Variants in KCND2 observed in about 807,000 individuals in gnomAD.
KCND2 encodes potassium voltage-gated channel subfamily D member 2.
In KCND2, 16 loss-of-function variants were observed where a neutral mutation model predicts 54.4. The ratio of observed to expected loss-of-function variants is 0.29; its 90% confidence interval spans 0.20 to 0.45. The LOEUF is 0.45. Ranked by LOEUF, KCND2 falls within the 20% of genes least tolerant of loss-of-function variation. The pLI is 1.00. For synonymous variants in KCND2, 317 were observed against 310.7 expected (o/e 1.02, Z -0.21); for missense variants, 486 against 824.2 (o/e 0.59, Z 5.02).
intron 1 of KCND2, among the ~76,000 whole-genome samples, chr7:120,387,957 A>T (rs1801014134): frequency 6.6e-6 from 1 of 152,036 alleles, no homozygotes; most frequent in African/African-American, 2.4e-5. Flanking sequence ...TTAGGGCAAA[A>T]CTCTGATACA....
chr7:120,357,493 A>G (rs1171907454), intron 1 of KCND2, among the ~76,000 whole-genome samples: 1 of 152,154 alleles, frequency 6.6e-6, no homozygotes, highest in Non-Finnish European at 1.5e-5. Context: ...GTATACCTAC[A>G]TGCAATAATC....
rs1341192417 is a variant in KCND2, at chr7:120,686,894, T to G, written c.1116-46009T>G. Among the ~76,000 whole-genome samples, 3 of 152,266 alleles carry G rather than the reference T, an allele frequency of 2.0e-5. No individual in the cohort carries two copies. In the East Asian group the frequency reaches 5.8e-4, roughly 29 times the overall value. The stretch of plus-strand genomic sequence containing the variant: ...TATCAGGAAACCGCTGATCACTAGT[T>G]TCATTTGTTTCTATCTATTGGAAGA... On this transcript the variant is annotated intron_variant, in intron 1 of 5. Coordinates refer to ENST00000331113, the MANE Select transcript of KCND2 (RefSeq NM_012281.3).
At chr7:120,670,757 A>G (rs1791981726) in intron 1 of KCND2, among the ~76,000 whole-genome samples, 2 of 152,000 alleles carry the variant, frequency 1.3e-5, no homozygotes, top group African/African-American at 4.8e-5. Context: ...TCTACTAAAA[A>G]TACAAAAAAT....
intron 1 of KCND2, among the ~76,000 whole-genome samples, chr7:120,426,767 G>A (rs1383778338): frequency 3.3e-5 from 5 of 151,660 alleles, no homozygotes; most frequent in Admixed American, 6.6e-5. Flanking sequence ...GACTACACGC[G>A]CCTGCCACCA....
At chr7:120,424,595 G>C (rs1267700842) in intron 1 of KCND2, among the ~76,000 whole-genome samples, 1 of 152,158 alleles carries the variant, frequency 6.6e-6, no homozygotes, top group Non-Finnish European at 1.5e-5. Context: ...ATTTGATATG[G>C]AGCTGTAGAG....
At chr7:120,330,351 A>G (rs963484326) in intron 1 of KCND2, among the ~76,000 whole-genome samples, 5 of 152,056 alleles carry the variant, frequency 3.3e-5, no homozygotes, top group Non-Finnish European at 5.9e-5. Context: ...AGGCTGAAGC[A>G]GGTGAATCAC....
intron 1 of KCND2, among the ~76,000 whole-genome samples, chr7:120,699,139 G>A (rs527406398): frequency 2.1e-4 from 32 of 152,036 alleles, no homozygotes; most frequent in African/African-American, 6.0e-4. Context: ...AAAATTAGCC[G>A]GGTGTGGTGG....
chr7:120,464,783 GGAA>G (rs1802344157), intron 1 of KCND2, among the ~76,000 whole-genome samples: 3 of 152,116 alleles, frequency 2.0e-5, no homozygotes, highest in Admixed American at 2.0e-4. Context: ...TTCTGCTCCT[GGAA>G]GCCACCTGCC....
chr7:120,305,184 AGCAAGAAAATAATTTT>A (rs1274733792), intron 1 of KCND2, among the ~76,000 whole-genome samples: 2 of 152,212 alleles, frequency 1.3e-5, no homozygotes, highest in Non-Finnish European at 2.9e-5. Flanking sequence ...TTTGCAAAGT[AGCAAGAAAATAATTTT>A]ACAAGTGTCT....
chr7:120,712,130 CTTT>C (rs11296028), intron 1 of KCND2, among the ~76,000 whole-genome samples: 2 of 120,300 alleles, frequency 1.7e-5, no homozygotes, highest in Admixed American at 8.5e-5. Flanking sequence ...AATAAGAAAG[CTTT>C]TTTTTTTTTT....
intron 1 of KCND2, among the ~76,000 whole-genome samples, chr7:120,321,733 C>T (rs2116331035): frequency 6.6e-6 from 1 of 152,102 alleles, no homozygotes; most frequent in South Asian, 2.1e-4. Flanking sequence ...CATATACTGC[C>T]TAATGTTCTT....
At chr7:120,411,169 G>T (rs1178965101) in intron 1 of KCND2, among the ~76,000 whole-genome samples, 1 of 151,962 alleles carries the variant, frequency 6.6e-6, no homozygotes, top group African/African-American at 2.4e-5. Flanking sequence ...TAAAAATCTT[G>T]AGTGTTTTAA....
At chr7:120,651,770 A>AT (rs1323504261) in intron 1 of KCND2, among the ~76,000 whole-genome samples, 4 of 152,112 alleles carry the variant, frequency 2.6e-5, no homozygotes, top group Non-Finnish European at 5.9e-5. Flanking sequence ...CTAAATTTAA[A>AT]TTTGAGTTAA....
rs544156273 is a variant in KCND2 at position 120,748,169 on chromosome 7, T to C, written c.*311T>C. ...TTAATAAAATAAATAACATAAATCG[T>C]TGAACATAATGTTCCAGTTGAATGC... On this transcript the variant is annotated 3_prime_UTR_variant, in exon 6 of 6. Transcript: ENST00000331113. 5.2e-6 allele frequency: 1 copy of C among 193,938 alleles called. No homozygotes were observed. The highest frequency in any genetic ancestry group is 2.3e-5 in the African/African-American group (1 of 42,734). 12.0% of individuals were successfully genotyped at this position (193,938 alleles called of 1,614,324 possible). A position where few individuals can be genotyped will look rare whatever the true frequency, so the allele number is the denominator to read the frequency against.
intron 1 of KCND2, among the ~76,000 whole-genome samples, chr7:120,522,059 C>T (rs868378262): frequency 6.6e-6 from 1 of 152,150 alleles, no homozygotes; most frequent in Non-Finnish European, 1.5e-5. Flanking sequence ...CAACAACTCA[C>T]CCTTTCTAGT....
At chr7:120,660,673 A>G (rs1791855201) in intron 1 of KCND2, among the ~76,000 whole-genome samples, 1 of 152,246 alleles carries the variant, frequency 6.6e-6, no homozygotes, top group African/African-American at 2.4e-5. Context: ...TGGGATTAGT[A>G]TAAAGTCATT....
At chr7:120,479,883 C>T (rs930855787) in intron 1 of KCND2, among the ~76,000 whole-genome samples, 1 of 146,080 alleles carries the variant, frequency 6.8e-6, no homozygotes. Flanking sequence ...ACAAGAATCA[C>T]TTGAACCTAG....
At chr7:120,687,311 T>C (rs556886548) in intron 1 of KCND2, among the ~76,000 whole-genome samples, 1 of 152,252 alleles carries the variant, frequency 6.6e-6, no homozygotes, top group South Asian at 2.1e-4. Context: ...TCAGCAGATA[T>C]AAACTTTCAG....
At chr7:120,515,287 T>C (rs914148589) in intron 1 of KCND2, among the ~76,000 whole-genome samples, 13 of 152,116 alleles carry the variant, frequency 8.5e-5, no homozygotes, top group African/African-American at 2.9e-4. Context: ...ATATATTTTG[T>C]GAAGCCCTCC....
Sources: gnomAD v4.1 joint callset for allele counts (sites outside exome capture counted in the v4.1 genomes callset) on GRCh38, gnomAD v4.1.1 for gene constraint, MANE v1.5 for transcripts, NCBI Gene and HGNC (gene_info 2026-07-23, HGNC 2026-07-21) for gene names.